Variants in FAM193A observed in about 807,000 individuals in gnomAD.
The protein encoded by FAM193A is family with sequence similarity 193 member A, also known as protein FAM193A.
FAM193A carries 22 observed loss-of-function variants against 126.5 expected under a neutral mutation model. That is an observed-to-expected ratio of 0.17 (90% CI 0.12 to 0.25). FAM193A has a LOEUF of 0.25. Among genes scored for constraint, FAM193A ranks in the 10% least tolerant of loss-of-function variants. The pLI is 1.00. For missense variants in FAM193A, 1,675 were observed against 1,672.8 expected, an observed-to-expected ratio of 1.00 and a Z score of -0.02; for synonymous variants, 761 against 646.8, an observed-to-expected ratio of 1.18 and a Z score of -2.68.
At chr4:2,699,600 G>C (rs1717460239) in intron 18 of FAM193A, 80 bp from the exon 19 acceptor site, 1 of 1,421,884 alleles carries the variant, frequency 7.0e-7, no homozygotes, top group South Asian at 1.4e-5. Context: ...ATTCGTTTTT[G>C]AAATTATCTT....
At chr4:2,613,713 C>G (rs1469784307) in intron 2 of FAM193A, among the ~76,000 whole-genome samples, 1 of 151,834 alleles carries the variant, frequency 6.6e-6, no homozygotes, top group Non-Finnish European at 1.5e-5. Context: ...CTTGGCCTCC[C>G]AAAGTGCTGG....
intron 1 of FAM193A, among the ~76,000 whole-genome samples, chr4:2,542,338 C>G (rs1254577603): frequency 6.6e-6 from 1 of 151,988 alleles, no homozygotes; most frequent in Non-Finnish European, 1.5e-5. Flanking sequence ...CGGGGTTTCA[C>G]CTTGTTGGCC....
At chr4:2,730,532 T>G (rs1356495342) in intron 20 of FAM193A, among the ~76,000 whole-genome samples, 1 of 151,798 alleles carries the variant, frequency 6.6e-6, no homozygotes, top group Non-Finnish European at 1.5e-5. Context: ...CTACTAAAAA[T>G]AGAAGAAATT....
intron 7 of FAM193A, among the ~76,000 whole-genome samples, chr4:2,649,350 G>A (rs1019510860): frequency 2.7e-5 from 4 of 150,092 alleles, no homozygotes; most frequent in African/African-American, 9.9e-5. Context: ...ACTGCAGCCT[G>A]GGTGACAGAG....
chr4:2,710,590 T>TAGA, intron 19 of FAM193A, among the ~76,000 whole-genome samples: 1 of 150,848 alleles, frequency 6.6e-6, no homozygotes, highest in Non-Finnish European at 1.5e-5. Flanking sequence ...CAACCTCAAC[T>TAGA]TCCCTGGGCT....
chr4:2,666,929 G>A (rs551087758), intron 12 of FAM193A, among the ~76,000 whole-genome samples: 3 of 152,038 alleles, frequency 2.0e-5, no homozygotes, highest in South Asian at 4.1e-4. Flanking sequence ...CTCTGTTTTC[G>A]TTTCTGTGTC....
rs1740854055 is a variant in FAM193A at position 2,596,240 on chromosome 4, A to G, written c.412A>G (p.Ser138Gly). ...LALSMAPKGN[S>G]VLHLPLWVCP... ...CCTTTCCATGGCTCCCAAGGGCAAC[A>G]GCGTGCTGCACCTGCCACTGTGGGT... Residue 138 changes from serine to glycine, a missense_variant, in exon 2 of 21, where the codon AGC becomes GGC. This residue lies in a region of FAM193A where 1,186 missense variants were observed against 1,109.2 expected (regional missense o/e 1.07). Transcript: ENST00000637812. 1 of 702,912 alleles carries G rather than the reference A, an allele frequency of 1.4e-6. No homozygotes were observed. The highest frequency in any genetic ancestry group is 1.7e-5 in the African/African-American group (1 of 57,260). 43.5% of individuals were successfully genotyped at this position (702,912 alleles called of 1,614,324 possible).
intron 15 of FAM193A, among the ~76,000 whole-genome samples, chr4:2,691,756 A>G (rs1331007941): frequency 6.7e-6 from 1 of 148,794 alleles, no homozygotes; most frequent in Non-Finnish European, 1.5e-5. Flanking sequence ...CCTGGGCAAC[A>G]TAGTGAGACC....
At chr4:2,548,197 G>A (rs1012314744) in intron 1 of FAM193A, among the ~76,000 whole-genome samples, 3 of 149,670 alleles carry the variant, frequency 2.0e-5, no homozygotes, top group African/African-American at 7.4e-5. Flanking sequence ...TCAGCCTCCC[G>A]AGTAGCTGGG....
chr4:2,626,507 A>G lies in FAM193A; in HGVS notation c.733A>G (p.Thr245Ala), dbSNP rs1742979366. ...GCGCTGCATCTACCGCCAGGCAGGAACCCCGCTGGCAGATGACCAGGACCA... is the reference window on the plus strand; with the variant it reads ...GCGCTGCATCTACCGCCAGGCAGGAGCCCCGCTGGCAGATGACCAGGACCA... ...TVRCIYRQAG[T>A]PLADDQDQSL... Residue 245 changes from threonine to alanine, a missense_variant, in exon 4 of 21, where the codon ACC becomes GCC. Physicochemically the swap from Thr to Ala is moderately conservative, Grantham distance 58. Coordinates refer to ENST00000637812, the MANE Select transcript of FAM193A (RefSeq NM_001366318.2). 1 of 702,282 alleles carries G rather than the reference A, an allele frequency of 1.4e-6. No individual in the cohort carries two copies. The highest frequency in any genetic ancestry group is 2.6e-6 in the Non-Finnish European group (1 of 384,948). 43.5% of individuals were successfully genotyped at this position (702,282 alleles called of 1,614,324 possible). A position where few individuals can be genotyped will look rare whatever the true frequency, so the allele number is the denominator to read the frequency against.
intron 1 of FAM193A, 106 bp from the exon 2 acceptor site, chr4:2,595,978 A>G (rs1417114923): frequency 1.7e-6 from 1 of 604,046 alleles, no homozygotes; most frequent in Admixed American, 2.9e-5. Context: ...ATGTTTCTGT[A>G]TATAAACATA....
In FAM193A at chr4:2,699,777, A is replaced by T; in HGVS notation, c.3605A>T (p.Glu1202Val). The change falls in exon 19 of 21, where the codon GAA (glutamate) becomes GTA (valine). Residue 1202 changes from glutamate to valine, a missense_variant. By Grantham distance (121) the Glu-to-Val change is moderately radical. Around this residue, in one of 4 missense-constraint regions of FAM193A, gnomAD observed 415 missense variants for 396.7 expected, o/e 1.05. Transcript: ENST00000637812. ...CGGCGGGAGGAGGAGGAGGATGAGG[A>T]AGAAGAGGAGGATCGTTTCAAGGAG... Reference protein sequence around the residue: ...QRRREEEEDEEEEEDRFKEEF... With the variant: ...QRRREEEEDEVEEEDRFKEEF... 1 of 1,613,874 alleles carries T rather than the reference A, an allele frequency of 6.2e-7. No homozygotes were observed. The highest frequency in any genetic ancestry group is 8.5e-7 in the Non-Finnish European group (1 of 1,179,928).
rs567506870 is a variant in FAM193A, at chr4:2,670,137, T to A, written c.2080-1984T>A. On this transcript the variant is annotated intron_variant, in intron 12 of 20. Coordinates refer to ENST00000637812, the MANE Select transcript of FAM193A (RefSeq NM_001366318.2). Reference sequence around the variant, plus strand: ...GTCTGCATACTTTCCCCTCATCTCTTCTCTCTCTTCCTAGATCAGTTCCAT... The same window carrying A: ...GTCTGCATACTTTCCCCTCATCTCTACTCTCTCTTCCTAGATCAGTTCCAT... 3.9e-5 allele frequency among the ~76,000 whole-genome samples: 6 copies of A among 152,238 alleles called. No homozygotes were observed. In the South Asian group the frequency reaches 1.2e-3, roughly 32 times the overall value.
At chr4:2,720,014 C>T (rs985335841) in intron 20 of FAM193A, 15 of 226,612 alleles carry the variant, frequency 6.6e-5, no homozygotes, top group African/African-American at 1.2e-4. Flanking sequence ...AGGCTGGTCT[C>T]GAACTCCTGG....
intron 7 of FAM193A, among the ~76,000 whole-genome samples, chr4:2,648,501 G>T (rs1745359585): frequency 6.6e-6 from 1 of 152,228 alleles, no homozygotes; most frequent in Non-Finnish European, 1.5e-5. Flanking sequence ...TTTGCAACCA[G>T]AGACTTTCCT....
intron 1 of FAM193A, among the ~76,000 whole-genome samples, chr4:2,558,447 T>A (rs531041138): frequency 6.6e-6 from 1 of 152,254 alleles, no homozygotes; most frequent in South Asian, 2.1e-4. Context: ...AATTCCGCCG[T>A]CATAGCTCAC....
chr4:2,659,929 C>T lies in FAM193A; in HGVS notation c.1620C>T (p.Asp540=), dbSNP rs1468711137. 6.2e-7 allele frequency: 1 copy of T among 1,614,194 alleles called. No individual in the cohort carries two copies. Among genetic ancestry groups the T allele is most frequent in the Non-Finnish European group, 8.5e-7 (1 of 1,180,034 alleles). Residue 540 remains aspartate (D), a synonymous_variant, in exon 10 of 21, where the codon GAC becomes GAT. Transcript: ENST00000637812. ...QLPLQVDPAP[D]YLAERSPPSV... ...CACTTCAAGTGGATCCTGCTCCTGA[C>T]TATCTTGCTGAGAGGAGCCCGCCCA...
chr4:2,678,408 G>A (rs1483545561), intron 13 of FAM193A, among the ~76,000 whole-genome samples: 17 of 133,972 alleles, frequency 1.3e-4, no homozygotes, highest in African/African-American at 2.3e-4. Context: ...TGTCGCCTAC[G>A]CTGGAGTGCA....
At chr4:2,695,437 C>T (rs1198094716) in intron 17 of FAM193A, among the ~76,000 whole-genome samples, 1 of 152,168 alleles carries the variant, frequency 6.6e-6, no homozygotes, top group Non-Finnish European at 1.5e-5. Context: ...GCGACAGCAG[C>T]GTTGTGTGTG....
Sources: gnomAD v4.1 joint callset for allele counts (sites outside exome capture counted in the v4.1 genomes callset) on GRCh38, gnomAD v4.1.1 for gene constraint, gnomAD v4.1.1 regional missense constraint, MANE v1.5 for transcripts, NCBI Gene and HGNC (gene_info 2026-07-23, HGNC 2026-07-21) for gene names.